ST6GALNAC3: variants seen among roughly 807,000 people sequenced by gnomAD.
The protein encoded by ST6GALNAC3 is ST6 N-acetylgalactosaminide alpha-2,6-sialyltransferase 3, also known as alpha-N-acetylgalactosaminide alpha-2,6-sialyltransferase 3.
Under a neutral mutation model 32.7 loss-of-function variants are expected in ST6GALNAC3, and 25 were observed. That is an observed-to-expected ratio of 0.76 (90% CI 0.56 to 1.07). The LOEUF is 1.07. Among genes scored for constraint, ST6GALNAC3 ranks in the 50% least tolerant of loss-of-function variants. ST6GALNAC3 has a pLI of 0.00. For synonymous variants in ST6GALNAC3, 129 were observed against 133.1 expected, an observed-to-expected ratio of 0.97 and a Z score of 0.21; for missense variants, 355 against 382.4, an observed-to-expected ratio of 0.93 and a Z score of 0.60.
chr1:76,463,715 G>A (rs76586329), intron 3 of ST6GALNAC3, among the ~76,000 whole-genome samples: 55 of 152,128 alleles, frequency 3.6e-4, no homozygotes, highest in African/African-American at 1.2e-3. Context: ...ATCTTGCTTG[G>A]GTCTACGGGT....
intron 1 of ST6GALNAC3, among the ~76,000 whole-genome samples, chr1:76,169,330 T>A (rs1652325624): frequency 6.6e-6 from 1 of 152,254 alleles, no homozygotes; most frequent in Non-Finnish European, 1.5e-5. Context: ...GTTAGTCTGA[T>A]GGGCTTCCCT....
At chr1:76,482,088 A>G (rs1199929457) in intron 3 of ST6GALNAC3, among the ~76,000 whole-genome samples, 1 of 152,038 alleles carries the variant, frequency 6.6e-6, no homozygotes, top group African/African-American at 2.4e-5. Flanking sequence ...ACACCTTTTT[A>G]TGCTCCAATG....
intron 3 of ST6GALNAC3, among the ~76,000 whole-genome samples, chr1:76,533,538 C>T (rs1216533275): frequency 6.6e-6 from 1 of 152,150 alleles, no homozygotes; most frequent in Non-Finnish European, 1.5e-5. Context: ...GAGGCTTCTG[C>T]CTGTCTTCTG....
chr1:76,154,239 G>A (rs550974557), intron 1 of ST6GALNAC3, among the ~76,000 whole-genome samples: 3 of 152,166 alleles, frequency 2.0e-5, no homozygotes, highest in African/African-American at 7.2e-5. Context: ...GGCTGACCCC[G>A]TAGCCGGTGG....
intron 1 of ST6GALNAC3, among the ~76,000 whole-genome samples, chr1:76,119,984 C>G (rs1648762233): frequency 6.6e-6 from 1 of 152,242 alleles, no homozygotes; most frequent in African/African-American, 2.4e-5. Flanking sequence ...GTATTCCACT[C>G]TACCCGGAGT....
intron 2 of ST6GALNAC3, among the ~76,000 whole-genome samples, chr1:76,409,055 T>G (rs2101275147): frequency 6.6e-6 from 1 of 152,272 alleles, no homozygotes; most frequent in East Asian, 1.9e-4. Flanking sequence ...GAAGGTAGGC[T>G]CCTAAGAGGT....
In ST6GALNAC3 at chr1:76,091,449, T is replaced by G. The variant is rs191284370; in HGVS notation, c.18+16565T>G. 3.0e-3 allele frequency among the ~76,000 whole-genome samples: 460 copies of G among 152,348 alleles called. 1 individual carries two copies. Among genetic ancestry groups the G allele is most frequent in the Middle Eastern group, 0.024 (7 of 294 alleles). The stretch of plus-strand genomic sequence containing the variant: ...TGCCCCATTGTGCATTAATGCCTAC[T>G]GTTTGTTTCCCTGACTTAGAATGTG... On this transcript the variant is annotated intron_variant, in intron 1 of 4. Coordinates refer to ENST00000328299, the MANE Select transcript of ST6GALNAC3 (RefSeq NM_152996.4).
In ST6GALNAC3 at chr1:76,525,789, G is replaced by GTATATATATATA. The variant is rs1475642074; in HGVS notation, c.624-101662_624-101661insATATATATATAT. Among the ~76,000 whole-genome samples, 25 of 58,932 alleles carry GTATATATATATA rather than the reference G, an allele frequency of 4.2e-4. 1 individual carries two copies. The highest frequency in any genetic ancestry group is 1.9e-3 in the South Asian group (2 of 1,044). 38.7% of individuals were successfully genotyped at this position (58,932 alleles called of 152,430 possible). A position where few individuals can be genotyped will look rare whatever the true frequency, so the allele number is the denominator to read the frequency against. On this transcript the variant is annotated intron_variant, in intron 3 of 4. Coordinates refer to ENST00000328299, the MANE Select transcript of ST6GALNAC3 (RefSeq NM_152996.4). Reference sequence around the variant, plus strand: ...TGTGTGTTTGTGTGTGTGTGTGTGTGTGTATATATATATATATATATATAT... The same window carrying GTATATATATATA: ...TGTGTGTTTGTGTGTGTGTGTGTGTGTATATATATATATGTATATATATATATATATATATAT...
intron 3 of ST6GALNAC3, among the ~76,000 whole-genome samples, chr1:76,531,366 A>T (rs527362579): frequency 2.0e-5 from 3 of 152,304 alleles, no homozygotes; most frequent in African/African-American, 7.2e-5. Flanking sequence ...GCAAGGTGGC[A>T]GTGAATCAGT....
At chr1:76,475,094 C>T (rs1344598712) in intron 3 of ST6GALNAC3, among the ~76,000 whole-genome samples, 1 of 152,150 alleles carries the variant, frequency 6.6e-6, no homozygotes, top group Non-Finnish European at 1.5e-5. Context: ...GCTGGGAATG[C>T]TGAGGTGGCG....
At chr1:76,571,572 G>A (rs1665861727) in intron 3 of ST6GALNAC3, among the ~76,000 whole-genome samples, 1 of 152,054 alleles carries the variant, frequency 6.6e-6, no homozygotes, top group African/African-American at 2.4e-5. Context: ...CTGAGCATCA[G>A]AAGTATTTAC....
chr1:76,270,922 A>T (rs950567292), intron 1 of ST6GALNAC3, among the ~76,000 whole-genome samples: 8 of 152,184 alleles, frequency 5.3e-5, no homozygotes, highest in Non-Finnish European at 1.0e-4. Context: ...AGAAATGTAG[A>T]ATTTTATTGT....
intron 3 of ST6GALNAC3, among the ~76,000 whole-genome samples, chr1:76,493,605 C>T (rs1477143492): frequency 6.6e-6 from 1 of 152,142 alleles, no homozygotes; most frequent in Admixed American, 6.6e-5. Context: ...GAATGCCTCT[C>T]TCTCTGTTTT....
At chr1:76,133,060 T>G (rs1649716370) in intron 1 of ST6GALNAC3, among the ~76,000 whole-genome samples, 1 of 152,110 alleles carries the variant, frequency 6.6e-6, no homozygotes, top group Non-Finnish European at 1.5e-5. Flanking sequence ...GTGATGTAGG[T>G]GAAAATATGC....
Position 76,629,326 on chromosome 1 carries a change from C to A in ST6GALNAC3, c.*520C>A, listed in dbSNP as rs767788825. 21 of 985,660 alleles carry A rather than the reference C, an allele frequency of 2.1e-5. No individual in the cohort carries two copies. The highest frequency in any genetic ancestry group is 2.5e-5 in the Non-Finnish European group (21 of 830,210). 61.1% of individuals were successfully genotyped at this position (985,660 alleles called of 1,614,324 possible). On this transcript the variant is annotated 3_prime_UTR_variant, in exon 5 of 5. Transcript: ENST00000328299. The stretch of plus-strand genomic sequence containing the variant: ...TTAGCCTAAGGATGGGAAAATATCT[C>A]TTCCTAATATACCATCTTTCTACAG...
chr1:76,201,702 A>G (rs1026043138), intron 1 of ST6GALNAC3, among the ~76,000 whole-genome samples: 3 of 152,208 alleles, frequency 2.0e-5, no homozygotes, highest in African/African-American at 7.2e-5. Flanking sequence ...TAGAGCTACT[A>G]TATTAAAATA....
At chr1:76,371,709 G>T (rs6664863) in intron 2 of ST6GALNAC3, among the ~76,000 whole-genome samples, 1 of 152,038 alleles carries the variant, frequency 6.6e-6, no homozygotes, top group Admixed American at 6.5e-5. Flanking sequence ...TATGCTTCCT[G>T]TTCTGGTTTC....
chr1:76,275,218 A>G (rs1659072717), intron 1 of ST6GALNAC3, among the ~76,000 whole-genome samples: 1 of 152,236 alleles, frequency 6.6e-6, no homozygotes, highest in Non-Finnish European at 1.5e-5. Context: ...AGCACACAAC[A>G]TTTAAACCTG....
chr1:76,217,574 A>G (rs1479582825), intron 1 of ST6GALNAC3, among the ~76,000 whole-genome samples: 1 of 152,124 alleles, frequency 6.6e-6, no homozygotes, highest in East Asian at 1.9e-4. Flanking sequence ...TTACATGAAT[A>G]TCTTCTTTAG....
Sources: allele counts gnomAD v4.1 joint callset (sites outside exome capture counted in the v4.1 genomes callset), GRCh38; gene constraint gnomAD v4.1.1; transcripts MANE v1.5; gene names NCBI Gene and HGNC (gene_info 2026-07-23, HGNC 2026-07-21).